The following SH3RF3 variants were observed in gnomAD, a reference collection of about 807,000 sequenced individuals.
The protein encoded by SH3RF3 is E3 ubiquitin-protein ligase SH3RF3.
A neutral mutation model predicts 66.3 loss-of-function variants in SH3RF3; 29 were observed. The observed-to-expected ratio is 0.44, with a 90% CI of 0.33 to 0.60. SH3RF3 has a LOEUF of 0.60. SH3RF3 is among the 20% of genes least tolerant of loss of function. The pLI, the probability that SH3RF3 is intolerant of heterozygous loss-of-function variation, is 0.04. For synonymous variants in SH3RF3, 583 were observed against 532.0 expected, an observed-to-expected ratio of 1.10 and a Z score of -1.32; for missense variants, 1,194 against 1,190.9, an observed-to-expected ratio of 1.00 and a Z score of -0.04.
chr2:109,430,664 G>C (rs1428753045), intron 5 of SH3RF3, among the ~76,000 whole-genome samples: 1 of 152,148 alleles, frequency 6.6e-6, no homozygotes, highest in Non-Finnish European at 1.5e-5. Context: ...TTTTCCCTTA[G>C]TGGTATTTCC....
At chr2:109,198,530 C>T (rs1232164450) in intron 1 of SH3RF3, among the ~76,000 whole-genome samples, 1 of 152,282 alleles carries the variant, frequency 6.6e-6, no homozygotes, top group Non-Finnish European at 1.5e-5. Flanking sequence ...AAACAGCAGA[C>T]ATCGATTTCT....
At chr2:109,320,127 A>G (rs1311663789) in intron 1 of SH3RF3, among the ~76,000 whole-genome samples, 2 of 152,112 alleles carry the variant, frequency 1.3e-5, no homozygotes, top group African/African-American at 2.4e-5. Context: ...TGCTCCTGTA[A>G]AGCCTGTAGA....
intron 3 of SH3RF3, among the ~76,000 whole-genome samples, chr2:109,372,526 T>C (rs745970440): frequency 2.0e-5 from 3 of 152,246 alleles, no homozygotes; most frequent in African/African-American, 2.4e-5. Flanking sequence ...TACCTGCTCA[T>C]TTAATCTTCT....
At chr2:109,160,541 T>C (rs921289931) in intron 1 of SH3RF3, among the ~76,000 whole-genome samples, 1 of 152,200 alleles carries the variant, frequency 6.6e-6, no homozygotes, top group East Asian at 1.9e-4. Context: ...GAGTTGTGCC[T>C]CTCTGGCTTA....
chr2:109,430,511 A>G (rs1314442494), intron 5 of SH3RF3, among the ~76,000 whole-genome samples: 2 of 136,764 alleles, frequency 1.5e-5, no homozygotes, highest in South Asian at 2.4e-4. Flanking sequence ...TCCTCTCCCC[A>G]TCTCCTCCTC....
chr2:109,180,412 G>A (rs1260292103), intron 1 of SH3RF3, among the ~76,000 whole-genome samples: 4 of 152,184 alleles, frequency 2.6e-5, no homozygotes, highest in Admixed American at 1.3e-4. Context: ...GAGGCCATTA[G>A]CTAGCCAATG....
At chr2:109,293,207 G>C (rs1025262528) in intron 1 of SH3RF3, among the ~76,000 whole-genome samples, 1 of 152,238 alleles carries the variant, frequency 6.6e-6, no homozygotes, top group Non-Finnish European at 1.5e-5. Flanking sequence ...CCTGCAGACA[G>C]ACTCAACTGC....
intron 7 of SH3RF3, among the ~76,000 whole-genome samples, chr2:109,444,494 A>G (rs1325307471): frequency 2.6e-5 from 4 of 152,178 alleles, no homozygotes; most frequent in Non-Finnish European, 5.9e-5. Context: ...TAGGTGTGCC[A>G]GTTCTAAAAA....
At chr2:109,318,278 C>A (rs1284232053) in intron 1 of SH3RF3, among the ~76,000 whole-genome samples, 1 of 152,044 alleles carries the variant, frequency 6.6e-6, no homozygotes, top group Non-Finnish European at 1.5e-5. Flanking sequence ...TGTTCGGGAG[C>A]ATTTCCATGC....
intron 2 of SH3RF3, among the ~76,000 whole-genome samples, chr2:109,369,464 T>TA (rs1683219026): frequency 6.6e-6 from 1 of 152,270 alleles, no homozygotes; most frequent in Non-Finnish European, 1.5e-5. Flanking sequence ...TGTGAAGTGA[T>TA]ATGATGCTCT....
chr2:109,153,257 T>C (rs2104878458), intron 1 of SH3RF3, among the ~76,000 whole-genome samples: 1 of 152,306 alleles, frequency 6.6e-6, no homozygotes, highest in South Asian at 2.1e-4. Context: ...ATTACATTAA[T>C]TCTTGAAGGG....
chr2:109,389,059 G>T (rs1675909251), intron 3 of SH3RF3, among the ~76,000 whole-genome samples: 1 of 152,148 alleles, frequency 6.6e-6, no homozygotes, highest in African/African-American at 2.4e-5. Context: ...TAGGCCCAAG[G>T]CCACACAAGC....
chr2:109,194,750 A>G (rs1678456508), intron 1 of SH3RF3, among the ~76,000 whole-genome samples: 1 of 152,188 alleles, frequency 6.6e-6, no homozygotes, highest in Admixed American at 6.5e-5. Context: ...GATGCTTCCA[A>G]TCCTGAATGC....
chr2:109,137,752 C>G (rs1049797885), intron 1 of SH3RF3, among the ~76,000 whole-genome samples: 8 of 152,350 alleles, frequency 5.3e-5, no homozygotes, highest in Admixed American at 5.2e-4. Flanking sequence ...ACCACCCGTC[C>G]TGATCAGCCG....
chr2:109,132,329 C>T (rs985431434), intron 1 of SH3RF3, among the ~76,000 whole-genome samples: 2 of 152,098 alleles, frequency 1.3e-5, no homozygotes, highest in African/African-American at 4.8e-5. Flanking sequence ...AATATTTTGA[C>T]AGCTTTATTT....
chr2:109,187,189 C>A (rs1055160011), intron 1 of SH3RF3, among the ~76,000 whole-genome samples: 1 of 152,208 alleles, frequency 6.6e-6, no homozygotes, highest in Admixed American at 6.5e-5. Flanking sequence ...AGAAAGTATT[C>A]CCAAAGGCAT....
chr2:109,306,018 C>T (rs559180248), intron 1 of SH3RF3, among the ~76,000 whole-genome samples: 1 of 152,344 alleles, frequency 6.6e-6, no homozygotes, highest in Non-Finnish European at 1.5e-5. Flanking sequence ...CAGGTGACTT[C>T]AGGAGTGATT....
chr2:109,368,392 T>A (rs940721084), intron 2 of SH3RF3, among the ~76,000 whole-genome samples: 3 of 152,222 alleles, frequency 2.0e-5, no homozygotes, highest in African/African-American at 7.2e-5. Context: ...GTTTAATCCT[T>A]ATGGAATGAA....
At chr2:109,443,871 C>T (rs980764341) in intron 7 of SH3RF3, among the ~76,000 whole-genome samples, 4 of 152,248 alleles carry the variant, frequency 2.6e-5, no homozygotes, top group Middle Eastern at 3.4e-3. Context: ...AACATTAGAA[C>T]AACAGTATAA....
Sources: gnomAD v4.1 joint callset for allele counts (sites outside exome capture counted in the v4.1 genomes callset) on GRCh38, gnomAD v4.1.1 for gene constraint, MANE v1.5 for transcripts, NCBI Gene and HGNC (gene_info 2026-07-23, HGNC 2026-07-21) for gene names.